The following MMP26 variants were observed in gnomAD, a reference collection of about 807,000 sequenced individuals.
The protein encoded by MMP26 is matrix metalloproteinase-26.
MMP26 carries 33 observed loss-of-function variants against 31.0 expected under a neutral mutation model. The observed-to-expected ratio is 1.06, with a 90% CI of 0.81 to 1.42. MMP26 has a LOEUF of 1.42. MMP26 is among the 40% of genes most tolerant of loss of function. The pLI, the probability that MMP26 is intolerant of heterozygous loss-of-function variation, is 0.00. For missense variants in MMP26, 347 were observed against 316.1 expected (o/e 1.10, Z -0.74); for synonymous variants, 122 against 114.9 (o/e 1.06, Z -0.40).
chr11:4,715,384 C>A (rs1381372707), intron 1 of MMP26, among the ~76,000 whole-genome samples: 3 of 148,792 alleles, frequency 2.0e-5, no homozygotes. Context: ...GAAGTAAGTT[C>A]TTCTGACTTG....
intron 2 of MMP26, among the ~76,000 whole-genome samples, chr11:4,825,242 T>A (rs1360528243): frequency 6.6e-6 from 1 of 152,196 alleles, no homozygotes; most frequent in Non-Finnish European, 1.5e-5. Flanking sequence ...TTTGAAGACT[T>A]ATTCACTCAA....
chr11:4,781,822 A>C (rs1848868457), intron 2 of MMP26, among the ~76,000 whole-genome samples: 1 of 151,964 alleles, frequency 6.6e-6, no homozygotes, highest in South Asian at 2.1e-4. Flanking sequence ...TACTGTTCTC[A>C]TGGTAGTGAA....
chr11:4,772,317 C>T (rs1292173478), intron 2 of MMP26, among the ~76,000 whole-genome samples: 1 of 152,124 alleles, frequency 6.6e-6, no homozygotes, highest in Non-Finnish European at 1.5e-5. Context: ...AGATGTACAT[C>T]ATTGTCTCTG....
chr11:4,859,710 C>G, intron 2 of MMP26: 1 of 470,874 alleles, frequency 2.1e-6, no homozygotes, highest in Non-Finnish European at 4.4e-6. Flanking sequence ...CAGGCGGGAG[C>G]AGTAGGTATA....
At chr11:4,892,981 A>T (rs2133550689) in intron 2 of MMP26, among the ~76,000 whole-genome samples, 1 of 152,160 alleles carries the variant, frequency 6.6e-6, no homozygotes, top group East Asian at 1.9e-4. Context: ...TCCAGCCTGG[A>T]TTTAACCATC....
chr11:4,987,520 G>A (rs1409613965), intron 2 of MMP26, among the ~76,000 whole-genome samples: 3 of 151,980 alleles, frequency 2.0e-5, no homozygotes, highest in Admixed American at 6.6e-5. Context: ...CCGGGTTCAC[G>A]CCATTCTCCT....
intron 2 of MMP26, among the ~76,000 whole-genome samples, chr11:4,820,834 A>C (rs904792039): frequency 2.0e-5 from 3 of 152,304 alleles, no homozygotes; most frequent in African/African-American, 7.2e-5. Flanking sequence ...TATAATGCAT[A>C]TAAAATGTCA....
intron 2 of MMP26, among the ~76,000 whole-genome samples, chr11:4,931,091 GAGAC>G (rs1851340245): frequency 1.3e-5 from 2 of 152,118 alleles, no homozygotes; most frequent in South Asian, 2.1e-4. Context: ...AAGAGAGAGA[GAGAC>G]AGAGAATATT....
chr11:4,918,581 T>C (rs1851133759), intron 2 of MMP26, among the ~76,000 whole-genome samples: 1 of 152,164 alleles, frequency 6.6e-6, no homozygotes, highest in Admixed American at 6.5e-5. Flanking sequence ...TGATAATTAT[T>C]CTGAGTTCCT....
At chr11:4,958,855 C>A (rs567304066) in intron 2 of MMP26, among the ~76,000 whole-genome samples, 1 of 152,208 alleles carries the variant, frequency 6.6e-6, no homozygotes, top group Admixed American at 6.5e-5. Context: ...TAAACATACC[C>A]ACAACAAAAT....
chr11:4,772,498 C>T (rs957229477), intron 2 of MMP26, among the ~76,000 whole-genome samples: 6 of 152,158 alleles, frequency 3.9e-5, no homozygotes, highest in Non-Finnish European at 8.8e-5. Context: ...CATTCTTTTT[C>T]AAACACTGAG....
chr11:4,957,759 A>G (rs1397480069), intron 2 of MMP26, among the ~76,000 whole-genome samples: 1 of 151,222 alleles, frequency 6.6e-6, no homozygotes, highest in Non-Finnish European at 1.5e-5. Context: ...CCTCACTGCA[A>G]CCTCCATCTC....
chr11:4,709,455 G>A (rs985244767), intron 1 of MMP26: 2 of 352,354 alleles, frequency 5.7e-6, no homozygotes, highest in Admixed American at 3.8e-5. Flanking sequence ...ATAGGATGTG[G>A]TTCTCTAGTG....
chr11:4,846,166 A>G (rs1048541429), intron 2 of MMP26, among the ~76,000 whole-genome samples: 2 of 152,186 alleles, frequency 1.3e-5, no homozygotes, highest in Non-Finnish European at 2.9e-5. Flanking sequence ...ATTCATCAAC[A>G]GACAAATAGA....
intron 2 of MMP26, among the ~76,000 whole-genome samples, chr11:4,819,203 G>C (rs578114068): frequency 6.6e-6 from 1 of 152,114 alleles, no homozygotes; most frequent in Non-Finnish European, 1.5e-5. Flanking sequence ...CCAGAATAAA[G>C]TTTTATCTTC....
At chr11:4,916,867 A>T (rs1267671054) in intron 2 of MMP26, among the ~76,000 whole-genome samples, 2 of 152,194 alleles carry the variant, frequency 1.3e-5, no homozygotes, top group Non-Finnish European at 2.9e-5. Flanking sequence ...CCATGGCCAC[A>T]TCCCCAACCA....
chr11:4,966,791 A>G, intron 2 of MMP26, among the ~76,000 whole-genome samples: 1 of 152,148 alleles, frequency 6.6e-6, no homozygotes, highest in Non-Finnish European at 1.5e-5. Flanking sequence ...GTAGTCAAGG[A>G]TATTTGCTGG....
chr11:4,870,669 A>T (rs567612868), intron 2 of MMP26, among the ~76,000 whole-genome samples: 2 of 152,138 alleles, frequency 1.3e-5, no homozygotes, highest in Non-Finnish European at 2.9e-5. Context: ...AGTTTGGGTA[A>T]CTGGGTGAAT....
At chr11:4,709,360 C>T (rs183678884) in intron 1 of MMP26, among the ~76,000 whole-genome samples, 6 of 152,260 alleles carry the variant, frequency 3.9e-5, no homozygotes, top group East Asian at 1.9e-4. Context: ...GGTTTCTTTA[C>T]ACAATTTAGT....
Sources: allele counts gnomAD v4.1 joint callset (sites outside exome capture counted in the v4.1 genomes callset), GRCh38; gene constraint gnomAD v4.1.1; transcripts MANE v1.5; gene names NCBI Gene and HGNC (gene_info 2026-07-23, HGNC 2026-07-21).